Variants in DHRSX observed in about 807,000 individuals in gnomAD.
DHRSX encodes polyprenol dehydrogenase.
Under a neutral mutation model 34.0 loss-of-function variants are expected in DHRSX, and 31 were observed. That is an observed-to-expected ratio of 0.91 (90% CI 0.69 to 1.23). The LOEUF is 1.23. Among genes scored for constraint, DHRSX ranks in the 50% most tolerant of loss-of-function variants. The probability of loss-of-function intolerance (pLI) is 0.00; values close to 1 mark genes in which losing one functional copy is unlikely to be tolerated. For missense variants in DHRSX, 414 were observed against 428.1 expected, an observed-to-expected ratio of 0.97 and a Z score of 0.29; for synonymous variants, 201 against 183.8, an observed-to-expected ratio of 1.09 and a Z score of -0.76.
intron 3 of DHRSX, among the ~76,000 whole-genome samples, chrX:2,394,368 G>A (rs1031738567): frequency 6.6e-5 from 10 of 152,334 alleles, no homozygotes; most frequent in African/African-American, 2.4e-4. Context: ...CTGCAAGCAC[G>A]TCAGCCAGGT....
At chrX:2,393,557 C>A (rs868554783) in intron 3 of DHRSX, among the ~76,000 whole-genome samples, 16 of 88,884 alleles carry the variant, frequency 1.8e-4, no homozygotes, top group Non-Finnish European at 2.3e-4. Context: ...CTGTCTCCGG[C>A]GCACACAGGA....
chrX:2,403,744 T>A (rs5939311), intron 3 of DHRSX, among the ~76,000 whole-genome samples: 1 of 151,322 alleles, frequency 6.6e-6, no homozygotes. Context: ...TGATCCCAGT[T>A]ACTCGGGAGG....
intron 1 of DHRSX, among the ~76,000 whole-genome samples, chrX:2,464,837 C>T (rs978580334): frequency 3.3e-5 from 5 of 151,736 alleles, no homozygotes; most frequent in Admixed American, 1.3e-4. Flanking sequence ...AGCCAAGGAA[C>T]GGCCACCATG....
intron 3 of DHRSX, among the ~76,000 whole-genome samples, chrX:2,384,940 A>G (rs1481840769): frequency 1.3e-5 from 2 of 148,782 alleles, no homozygotes; most frequent in Admixed American, 6.6e-5. Context: ...TAAAAAAAAA[A>G]AGAAAAAAAA....
chrX:2,474,343 A>C (rs1015276071), intron 1 of DHRSX, among the ~76,000 whole-genome samples: 1 of 152,122 alleles, frequency 6.6e-6, no homozygotes, highest in African/African-American at 2.4e-5. Context: ...TACACACTGA[A>C]GATGTTCCCT....
chrX:2,258,121 G>A (rs2041304387), intron 5 of DHRSX, among the ~76,000 whole-genome samples: 1 of 151,916 alleles, frequency 6.6e-6, no homozygotes, highest in South Asian at 2.1e-4. Flanking sequence ...AACCAGCCCT[G>A]CTCACACCTT....
intron 6 of DHRSX, among the ~76,000 whole-genome samples, chrX:2,229,401 C>T (rs1228247481): frequency 2.0e-5 from 3 of 152,066 alleles, no homozygotes; most frequent in African/African-American, 7.2e-5. Flanking sequence ...CTGCTCCAGC[C>T]ACCCAGGGAT....
chrX:2,345,441 G>A (rs2042693625), intron 3 of DHRSX, among the ~76,000 whole-genome samples: 1 of 151,814 alleles, frequency 6.6e-6, no homozygotes, highest in African/African-American at 2.4e-5. Flanking sequence ...TCAGGAGTTT[G>A]AGATCAGCCT....
chrX:2,294,613 C>T (rs1172290895), intron 3 of DHRSX, among the ~76,000 whole-genome samples: 4 of 149,554 alleles, frequency 2.7e-5, no homozygotes, highest in African/African-American at 9.9e-5. Context: ...TGCAGTAAGC[C>T]GAGGTCGCGC....
chrX:2,291,720 T>C (rs1251244187), intron 3 of DHRSX, 117 bp from the exon 4 acceptor site: 23 of 678,426 alleles, frequency 3.4e-5, no homozygotes, highest in Non-Finnish European at 4.8e-5. Context: ...TTTTTTTTTT[T>C]CTGCTCTTTT....
chrX:2,243,807 T>G lies in DHRSX; in HGVS notation c.597-577A>C, dbSNP rs1365629480. On this transcript the variant is annotated intron_variant, in intron 5 of 6. Transcript: ENST00000334651. ...CTCCCTGTTTTTTTTTTTTTTTTTT[T>G]TTTTTTTTTTTTTTTGAGACAGATT... Among the ~76,000 whole-genome samples, 158 of 98,016 alleles carry G rather than the reference T, an allele frequency of 1.6e-3. 4 individuals are homozygous for G. Among genetic ancestry groups the G allele is most frequent in the East Asian group, 0.01 (36 of 3,584 alleles). 64.3% of individuals were successfully genotyped at this position (98,016 alleles called of 152,430 possible). A position where few individuals can be genotyped will look rare whatever the true frequency, so the allele number is the denominator to read the frequency against.
At chrX:2,261,283 T>C (rs2041360288) in intron 5 of DHRSX, 1 of 152,184 alleles carries the variant, frequency 6.6e-6, no homozygotes, top group African/African-American at 2.4e-5. Context: ...AATATGTGTT[T>C]TTATAGGAAT....
intron 3 of DHRSX, among the ~76,000 whole-genome samples, chrX:2,388,778 T>A: frequency 6.6e-6 from 1 of 152,006 alleles, no homozygotes; most frequent in South Asian, 2.1e-4. Context: ...GCCCATACCC[T>A]GATCTCAGAC....
intron 3 of DHRSX, among the ~76,000 whole-genome samples, chrX:2,297,628 T>A (rs2041949414): frequency 6.6e-6 from 1 of 152,198 alleles, no homozygotes; most frequent in South Asian, 2.1e-4. Flanking sequence ...GTTTTTTGTT[T>A]GTTAGCTTTT....
chrX:2,396,579 T>C (rs1489425624), intron 3 of DHRSX, among the ~76,000 whole-genome samples: 4 of 151,746 alleles, frequency 2.6e-5, no homozygotes, highest in Non-Finnish European at 5.9e-5. Context: ...GGTTTCACCA[T>C]GTTGGCCAGG....
chrX:2,437,639 A>C (rs1179070024), intron 1 of DHRSX, among the ~76,000 whole-genome samples: 2 of 150,272 alleles, frequency 1.3e-5, no homozygotes, highest in African/African-American at 2.4e-5. Flanking sequence ...GCATCATTTC[A>C]TTGTTGATAT....
At chrX:2,473,667 G>T (rs2044628868) in intron 1 of DHRSX, among the ~76,000 whole-genome samples, 1 of 140,638 alleles carries the variant, frequency 7.1e-6, no homozygotes. Context: ...CACAGAGGCA[G>T]CCAGGACACA....
chrX:2,403,744 T>G (rs5939311), intron 3 of DHRSX, among the ~76,000 whole-genome samples: 64,310 of 151,318 alleles, frequency 0.42, 14,229 homozygotes, highest in East Asian at 0.67. Context: ...TGATCCCAGT[T>G]ACTCGGGAGG....
Position 2,471,054 on chromosome X carries a change from C to T in DHRSX, c.109+29763G>A, listed in dbSNP as rs138242509. Among the ~76,000 whole-genome samples, 454 of 152,208 alleles carry T rather than the reference C, an allele frequency of 3.0e-3. 1 individual carries two copies. The highest frequency in any genetic ancestry group is 0.01 in the African/African-American group (422 of 41,528). ...GATGTGTACGTGGATTAAAACATCA[C>T]GTTGTACCTCATATACGTGTATACA... is the stretch of plus-strand genomic sequence containing the variant. On this transcript the variant is annotated intron_variant, in intron 1 of 6. Transcript: ENST00000334651.
Sources: allele counts gnomAD v4.1 joint callset (sites outside exome capture counted in the v4.1 genomes callset), GRCh38; gene constraint gnomAD v4.1.1; transcripts MANE v1.5; gene names NCBI Gene and HGNC (gene_info 2026-07-23, HGNC 2026-07-21).